The following SYNPO variants were observed in gnomAD, a reference collection of about 807,000 sequenced individuals.
SYNPO encodes synaptopodin.
Under a neutral mutation model 49.5 loss-of-function variants are expected in SYNPO, and 19 were observed. The observed-to-expected ratio is 0.38, with a 90% CI of 0.27 to 0.56. The LOEUF (loss-of-function observed/expected upper bound fraction) is 0.56. Ranked by LOEUF, SYNPO falls within the 20% of genes least tolerant of loss-of-function variation. The pLI, the probability that SYNPO is intolerant of heterozygous loss-of-function variation, is 0.68. For missense variants in SYNPO, 1,131 were observed against 1,248.3 expected (o/e 0.91, Z 1.42); for synonymous variants, 536 against 548.0 (o/e 0.98, Z 0.31).
chr5:150,591,640 C>T, the SYNPO span, among the ~76,000 whole-genome samples: 1 of 152,180 alleles, frequency 6.6e-6, no homozygotes, highest in South Asian at 2.1e-4. Flanking sequence ...AACCTGAATA[C>T]AGTTATTTCA....
At chr5:150,610,349 C>A (rs1055304147) in intron 1 of SYNPO, among the ~76,000 whole-genome samples, 1 of 152,166 alleles carries the variant, frequency 6.6e-6, no homozygotes, top group African/African-American at 2.4e-5. Flanking sequence ...CTCCCCAGAC[C>A]CTCAGAAAAC....
intron 2 of SYNPO, among the ~76,000 whole-genome samples, chr5:150,621,577 A>G (rs965024492): frequency 1.3e-5 from 2 of 152,150 alleles, no homozygotes; most frequent in Non-Finnish European, 2.9e-5. Flanking sequence ...TCCTGCCATT[A>G]CCGCCGAAGG....
upstream of SYNPO, among the ~76,000 whole-genome samples, chr5:150,636,483 C>T (rs77541149): frequency 0.018 from 2,689 of 152,304 alleles, 84 homozygotes; most frequent in African/African-American, 0.061. Context: ...AGCCCAGTGT[C>T]TCACCCAAAT....
chr5:150,610,889 G>T (rs866577239), intron 1 of SYNPO, among the ~76,000 whole-genome samples: 1 of 152,164 alleles, frequency 6.6e-6, no homozygotes, highest in South Asian at 2.1e-4. Context: ...GAATAGGAAG[G>T]TTCTAAAATG....
chr5:150,644,563 G>A (rs1284720625), intron 1 of SYNPO, among the ~76,000 whole-genome samples: 2 of 152,208 alleles, frequency 1.3e-5, no homozygotes, highest in African/African-American at 4.8e-5. Context: ...GGGCTTCATG[G>A]CAGTCAGGCC....
upstream of SYNPO, among the ~76,000 whole-genome samples, chr5:150,600,084 G>A (rs536275455): frequency 6.6e-5 from 10 of 152,342 alleles, no homozygotes; most frequent in Admixed American, 1.3e-4. Flanking sequence ...ATTTTGCTGC[G>A]TGACTTTGGC....
At chr5:150,608,689 C>A (rs1195351808) in intron 1 of SYNPO, among the ~76,000 whole-genome samples, 3 of 152,108 alleles carry the variant, frequency 2.0e-5, no homozygotes, top group African/African-American at 7.2e-5. Flanking sequence ...GTTCCCAAAC[C>A]TACCTGCGCA....
intron 2 of SYNPO, among the ~76,000 whole-genome samples, chr5:150,621,021 C>G (rs1305403092): frequency 7.0e-6 from 1 of 143,654 alleles, no homozygotes; most frequent in Middle Eastern, 3.4e-3. Flanking sequence ...GGCATGATCT[C>G]GGCTCATTGC....
intron 1 of SYNPO, among the ~76,000 whole-genome samples, chr5:150,616,931 G>A (rs1756997311): frequency 6.6e-6 from 1 of 151,994 alleles, no homozygotes; most frequent in South Asian, 2.1e-4. Context: ...GATTATTGTT[G>A]TTCCTGCTAT....
rs200094717 is a variant in SYNPO, at chr5:150,650,216, C to A, written c.1941C>A (p.Pro647=). The stretch of plus-strand genomic sequence containing the variant: ...CTCCTTACGGCGGTGACATCTCCCC[C>A]GTGTCTCCCTCCAGGGCGTGGTCTC... ...VSPPYGGDIS[P]VSPSRAWSPR... The change falls in exon 2 of 3, where the codon CCC becomes CCA. Residue 647 remains proline (P), a synonymous_variant. Transcript: ENST00000307662. 9.3e-6 allele frequency: 15 copies of A among 1,613,946 alleles called. No individual in the cohort carries two copies. The Admixed American group carries it at 2.5e-4, about 27-fold the overall frequency.
intron 2 of SYNPO, chr5:150,652,457 G>A (rs1347875417): frequency 4.2e-6 from 4 of 960,150 alleles, no homozygotes; most frequent in Non-Finnish European, 5.0e-6. Flanking sequence ...AAGTGTGGCT[G>A]TGTCCTGCGT....
intron 2 of SYNPO, among the ~76,000 whole-genome samples, chr5:150,626,508 G>A (rs1485515026): frequency 2.0e-5 from 3 of 152,210 alleles, no homozygotes; most frequent in Admixed American, 2.0e-4. Flanking sequence ...TGCAAGCCAT[G>A]GGCCGGCTCC....
At chr5:150,594,563 T>A in the SYNPO span, among the ~76,000 whole-genome samples, 7 of 152,076 alleles carry the variant, frequency 4.6e-5, no homozygotes, top group Admixed American at 2.6e-4. Flanking sequence ...TTCCTTCCCC[T>A]CTCCCTGGGC....
At chr5:150,652,008 G>A (rs1335471941) in intron 2 of SYNPO, 1 of 1,000,470 alleles carries the variant, frequency 1.0e-6, no homozygotes, top group African/African-American at 1.7e-5. Context: ...AGTGGGGCAA[G>A]GGGTGGTGGA....
At chr5:150,612,387 A>G (rs1756872791) in intron 1 of SYNPO, among the ~76,000 whole-genome samples, 1 of 152,226 alleles carries the variant, frequency 6.6e-6, no homozygotes, top group South Asian at 2.1e-4. Context: ...ATGCCAGGCA[A>G]TGTACCAGAC....
chr5:150,618,358 G>A, exon 2 of SYNPO: 12 of 1,545,410 alleles, frequency 7.8e-6, no homozygotes, highest in Non-Finnish European at 1.0e-5. Flanking sequence ...CGCTGAGGAA[G>A]AACAGCACCA....
At chr5:150,596,372 A>C (rs1465442384), upstream of SYNPO, among the ~76,000 whole-genome samples, 1 of 152,104 alleles carries the variant, frequency 6.6e-6, no homozygotes, top group Admixed American at 6.5e-5. Context: ...CAGTTTTCCT[A>C]TCTGCTCACT....
At chr5:150,619,442 A>T (rs1383178563) in intron 2 of SYNPO, among the ~76,000 whole-genome samples, 1 of 152,196 alleles carries the variant, frequency 6.6e-6, no homozygotes, top group Non-Finnish European at 1.5e-5. Flanking sequence ...GTGAGATCCC[A>T]TGACAGCGTG....
intron 2 of SYNPO, among the ~76,000 whole-genome samples, chr5:150,654,443 A>T (rs1195190834): frequency 6.6e-6 from 1 of 152,010 alleles, no homozygotes; most frequent in East Asian, 1.9e-4. Flanking sequence ...CATTTTCATC[A>T]TTTGTAAAAT....
Sources: gnomAD v4.1 joint callset for allele counts (sites outside exome capture counted in the v4.1 genomes callset) on GRCh38, gnomAD v4.1.1 for gene constraint, MANE v1.5 for transcripts, NCBI Gene and HGNC (gene_info 2026-07-23, HGNC 2026-07-21) for gene names.